The following ARHGAP10 variants were observed in gnomAD, a reference collection of about 807,000 sequenced individuals.
ARHGAP10 encodes the protein rho GTPase-activating protein 10.
Under a neutral mutation model 108.6 loss-of-function variants are expected in ARHGAP10, and 87 were observed. The observed-to-expected ratio is 0.80, with a 90% CI of 0.67 to 0.96. The LOEUF (loss-of-function observed/expected upper bound fraction) is 0.96, where lower values mean the gene tolerates loss of function less well. Ranked by LOEUF, ARHGAP10 falls within the 40% of genes least tolerant of loss-of-function variation. The pLI, the probability that ARHGAP10 is intolerant of heterozygous loss-of-function variation, is 0.00. For missense variants in ARHGAP10, 939 were observed against 954.5 expected, an observed-to-expected ratio of 0.98 and a Z score of 0.21; for synonymous variants, 347 against 341.1, an observed-to-expected ratio of 1.02 and a Z score of -0.19.
At chr4:147,894,427 A>G (rs1033276660) in intron 10 of ARHGAP10, among the ~76,000 whole-genome samples, 1 of 152,152 alleles carries the variant, frequency 6.6e-6, no homozygotes, top group African/African-American at 2.4e-5. Context: ...TTGTTACTCA[A>G]TTGTAGGAAT....
intron 1 of ARHGAP10, among the ~76,000 whole-genome samples, chr4:147,760,194 G>T (rs960542752): frequency 6.6e-6 from 1 of 151,898 alleles, no homozygotes; most frequent in Non-Finnish European, 1.5e-5. Context: ...AGGATAATAC[G>T]CAGTATCTAC....
intron 7 of ARHGAP10, among the ~76,000 whole-genome samples, chr4:147,874,456 A>G (rs1392058872): frequency 6.6e-6 from 1 of 151,878 alleles, no homozygotes; most frequent in Non-Finnish European, 1.5e-5. Flanking sequence ...TGTAGGTGAG[A>G]TTTTTTTTCC....
chr4:147,935,491 G>A (rs1293705775), intron 13 of ARHGAP10, among the ~76,000 whole-genome samples: 1 of 152,188 alleles, frequency 6.6e-6, no homozygotes. Flanking sequence ...TTGACTTGTT[G>A]CATTTGGAAA....
At chr4:147,951,108 T>C (rs1162040903) in intron 15 of ARHGAP10, among the ~76,000 whole-genome samples, 1 of 152,176 alleles carries the variant, frequency 6.6e-6, no homozygotes, top group Admixed American at 6.5e-5. Flanking sequence ...TAACAATATT[T>C]ATTTTTTTAT....
At chr4:147,916,187 G>A (rs567237713) in intron 13 of ARHGAP10, among the ~76,000 whole-genome samples, 36 of 152,136 alleles carry the variant, frequency 2.4e-4, no homozygotes, top group Admixed American at 9.2e-4. Flanking sequence ...TCTAATCACC[G>A]TTTCCATGTT....
At chr4:147,949,784 TCA>T (rs1738526240) in intron 15 of ARHGAP10, among the ~76,000 whole-genome samples, 1 of 152,216 alleles carries the variant, frequency 6.6e-6, no homozygotes, top group South Asian at 2.1e-4. Context: ...CTGAGATGAC[TCA>T]GTTATTGGTG....
intron 18 of ARHGAP10, among the ~76,000 whole-genome samples, chr4:147,974,605 A>C (rs987500483): frequency 2.0e-5 from 3 of 152,308 alleles, no homozygotes; most frequent in Non-Finnish European, 2.9e-5. Context: ...GATATGTAAA[A>C]TGTGCTTTGG....
chr4:147,766,825 TATATATATATA>T (rs1729846943), intron 1 of ARHGAP10, among the ~76,000 whole-genome samples: 4 of 122,050 alleles, frequency 3.3e-5, no homozygotes, highest in Non-Finnish European at 5.0e-5. Flanking sequence ...TATATATATA[TATATATATATA>T]TATTTATTTA....
intron 1 of ARHGAP10, among the ~76,000 whole-genome samples, chr4:147,779,638 A>C (rs1211019381): frequency 6.6e-6 from 1 of 152,086 alleles, no homozygotes; most frequent in Non-Finnish European, 1.5e-5. Flanking sequence ...GAGTCTGGGG[A>C]GTGGTGATCA....
chr4:147,747,460 C>T (rs956785590), intron 1 of ARHGAP10, among the ~76,000 whole-genome samples: 4 of 152,192 alleles, frequency 2.6e-5, no homozygotes, highest in Non-Finnish European at 4.4e-5. Context: ...ACAAAAGATA[C>T]CCATCAGTGG....
At chr4:147,781,096 C>T (rs560515733) in intron 1 of ARHGAP10, among the ~76,000 whole-genome samples, 117 of 152,246 alleles carry the variant, frequency 7.7e-4, no homozygotes, top group East Asian at 6.0e-3. Flanking sequence ...AGGTGATTCA[C>T]GCCTGTAATA....
At position 148,035,451 on chromosome 4, in the gene ARHGAP10, A is replaced by G. The variant is rs539471988; in HGVS notation, c.1868-11441A>G. Among the ~76,000 whole-genome samples the G allele has an allele frequency of 5.3e-5, 8 of 152,106 alleles. 1 individual carries two copies. In the South Asian group the frequency reaches 1.7e-3, roughly 32 times the overall value. On this transcript the variant is annotated intron_variant, in intron 19 of 22. Transcript: ENST00000336498. ...GGAAGCTCTTTTCTTGAGAAGTCAC[A>G]TTTTTCTTTTTCTAGAGAGAATTTC...
rs928410056 is a variant in ARHGAP10 at position 147,827,697 on chromosome 4, A to G, written c.312+4740A>G. ...TTTTAACTTAAAAGTTTTAGAAACC[A>G]TCAGCATGTTAAAAGCCACAGATTA... is the stretch of plus-strand genomic sequence containing the variant. On this transcript the variant is annotated intron_variant, in intron 3 of 22. Transcript: ENST00000336498. Among the ~76,000 whole-genome samples, 5 of 152,356 alleles carry G rather than the reference A, an allele frequency of 3.3e-5. No individual in the cohort carries two copies. The South Asian group carries it at 1.0e-3, about 32-fold the overall frequency.
intron 7 of ARHGAP10, among the ~76,000 whole-genome samples, chr4:147,867,757 G>A (rs370383650): frequency 6.6e-6 from 1 of 151,340 alleles, no homozygotes; most frequent in Admixed American, 6.6e-5. Context: ...CCAGTTACTC[G>A]GGAGGCTGAG....
chr4:147,820,105 T>G (rs1054081084), intron 1 of ARHGAP10, among the ~76,000 whole-genome samples: 10 of 152,116 alleles, frequency 6.6e-5, no homozygotes, highest in Admixed American at 2.0e-4. Context: ...GGAGGATTCC[T>G]GAGCTGAGCC....
intron 15 of ARHGAP10, 102 bp from the exon 16 acceptor site, chr4:147,955,214 T>G: frequency 4.4e-6 from 5 of 1,126,442 alleles, no homozygotes; most frequent in Non-Finnish European, 6.5e-6. Context: ...TTTTACACAT[T>G]AATTAAGAAA....
intron 16 of ARHGAP10, among the ~76,000 whole-genome samples, chr4:147,957,800 C>T (rs1560845016): frequency 6.6e-6 from 1 of 152,076 alleles, no homozygotes; most frequent in East Asian, 1.9e-4. Flanking sequence ...TTCTAGGGTT[C>T]ATGATACAAA....
chr4:148,071,483 G>T (rs1730175174), intron 22 of ARHGAP10, among the ~76,000 whole-genome samples: 1 of 152,198 alleles, frequency 6.6e-6, no homozygotes, highest in South Asian at 2.1e-4. Context: ...AGGCATGGTG[G>T]TGCGTGCCTG....
chr4:148,056,998 G>A (rs530636107), intron 20 of ARHGAP10, among the ~76,000 whole-genome samples: 8 of 152,250 alleles, frequency 5.3e-5, no homozygotes, highest in Admixed American at 2.0e-4. Context: ...CTCTCTTCAC[G>A]TTAGCTGAGG....
Sources: allele counts gnomAD v4.1 joint callset (sites outside exome capture counted in the v4.1 genomes callset), GRCh38; gene constraint gnomAD v4.1.1; transcripts MANE v1.5; gene names NCBI Gene and HGNC (gene_info 2026-07-23, HGNC 2026-07-21).